The following AP3B1 variants were observed in gnomAD, a reference collection of about 807,000 sequenced individuals.
The protein encoded by AP3B1 is adaptor related protein complex 3 subunit beta 1.
Under a neutral mutation model 132.5 loss-of-function variants are expected in AP3B1, and 61 were observed. That is an observed-to-expected ratio of 0.46 (90% CI 0.37 to 0.57). AP3B1 has a LOEUF of 0.57. Ranked by LOEUF, AP3B1 falls within the 20% of genes least tolerant of loss-of-function variation. The probability of loss-of-function intolerance (pLI) is 0.00; values close to 1 mark genes in which losing one functional copy is unlikely to be tolerated. For missense variants in AP3B1, 1,120 were observed against 1,289.4 expected (o/e 0.87, Z 2.01); for synonymous variants, 388 against 438.3 (o/e 0.89, Z 1.43).
chr5:78,159,866 C>A (rs1321509555), intron 13 of AP3B1, among the ~76,000 whole-genome samples: 2 of 152,182 alleles, frequency 1.3e-5, no homozygotes, highest in Admixed American at 6.5e-5. Flanking sequence ...ATCAGAAGCA[C>A]AAAATGATCC....
At chr5:78,247,491 C>A (rs1215369337) in intron 2 of AP3B1, among the ~76,000 whole-genome samples, 12 of 151,086 alleles carry the variant, frequency 7.9e-5, no homozygotes, top group Non-Finnish European at 1.8e-4. Flanking sequence ...GTCAATCTTT[C>A]CTGTCAGTTC....
intron 26 of AP3B1, 47 bp from the exon 27 acceptor site, chr5:78,003,102 AAAG>A: frequency 6.3e-7 from 1 of 1,591,896 alleles, no homozygotes; most frequent in Non-Finnish European, 8.6e-7. Context: ...TGGGGAGGGT[AAAG>A]GAGATAGCAT....
At chr5:78,135,911 T>C (rs572728306) in intron 15 of AP3B1, among the ~76,000 whole-genome samples, 1 of 152,196 alleles carries the variant, frequency 6.6e-6, no homozygotes, top group Non-Finnish European at 1.5e-5. Flanking sequence ...GTTTCAGTCT[T>C]TCAACTTTTT....
intron 5 of AP3B1, 91 bp downstream of exon 5, chr5:78,227,281 A>T: frequency 8.0e-7 from 1 of 1,248,530 alleles, no homozygotes; most frequent in Non-Finnish European, 1.2e-6. Context: ...AGAGCAGCCT[A>T]CCTAAAAGAG....
At position 78,011,229 on chromosome 5, in the gene AP3B1, A is replaced by G. The variant is rs149284297; in HGVS notation, c.3131+4181T>C. On this transcript the variant is annotated intron_variant, in intron 26 of 26. Transcript: ENST00000255194. ...GGCTACTTTTTTTTGTATATTTAGT[A>G]GAGACGGGGTTTCACCATGTTGGCC... Among the ~76,000 whole-genome samples the G allele has an allele frequency of 5.3e-3, 808 of 151,916 alleles. 2 individuals carry two copies. The highest frequency in any genetic ancestry group is 0.019 in the African/African-American group (774 of 41,406).
chr5:78,039,788 A>AG (rs1747982318), intron 22 of AP3B1, among the ~76,000 whole-genome samples: 1 of 147,142 alleles, frequency 6.8e-6, no homozygotes, highest in Admixed American at 6.9e-5. Flanking sequence ...AAAAAAAAAA[A>AG]AAAAGAAAAG....
intron 7 of AP3B1, among the ~76,000 whole-genome samples, chr5:78,204,841 A>G (rs7733511): frequency 0.3 from 45,268 of 152,024 alleles, 6,956 homozygotes; most frequent in Middle Eastern, 0.35. Context: ...TTTTCTCCTG[A>G]GTTTCAGGCC....
intron 26 of AP3B1, among the ~76,000 whole-genome samples, chr5:78,006,733 C>T (rs906102396): frequency 6.6e-6 from 1 of 152,156 alleles, no homozygotes; most frequent in African/African-American, 2.4e-5. Flanking sequence ...ATTAAAAGGA[C>T]ACCATCTAGA....
At chr5:78,096,371 C>G (rs911165207) in intron 21 of AP3B1, among the ~76,000 whole-genome samples, 2 of 152,116 alleles carry the variant, frequency 1.3e-5, no homozygotes, top group African/African-American at 4.8e-5. Context: ...CAACCTCCAC[C>G]TCCCAGCCAC....
At chr5:78,049,985 TC>T (rs1748511296) in intron 22 of AP3B1, among the ~76,000 whole-genome samples, 1 of 152,316 alleles carries the variant, frequency 6.6e-6, no homozygotes, top group South Asian at 2.1e-4. Context: ...ATGGCCAGGA[TC>T]CTTGTTCCAT....
chr5:78,177,299 G>A, intron 9 of AP3B1, 40 bp downstream of exon 9: 3 of 1,325,408 alleles, frequency 2.3e-6, no homozygotes, highest in Non-Finnish European at 3.2e-6. Flanking sequence ...TACTTTTGAA[G>A]GAATACAAAA....
At chr5:78,113,298 C>T (rs1209679024) in intron 19 of AP3B1, among the ~76,000 whole-genome samples, 2 of 152,168 alleles carry the variant, frequency 1.3e-5, no homozygotes, top group African/African-American at 4.8e-5. Flanking sequence ...AAAGTGCTAA[C>T]ACTTAAAGAT....
chr5:78,282,993 T>C (rs550692031), intron 1 of AP3B1, among the ~76,000 whole-genome samples: 23 of 152,230 alleles, frequency 1.5e-4, no homozygotes, highest in Non-Finnish European at 2.4e-4. Context: ...CAGAAAGAGA[T>C]TGTGTCTCTT....
intron 24 of AP3B1, among the ~76,000 whole-genome samples, chr5:78,022,119 C>A (rs1410429860): frequency 6.6e-6 from 1 of 152,030 alleles, no homozygotes; most frequent in East Asian, 1.9e-4. Context: ...TGTAAGTGGC[C>A]TTATATTTTT....
At chr5:78,104,486 C>G (rs1470656149) in intron 20 of AP3B1, among the ~76,000 whole-genome samples, 1 of 152,022 alleles carries the variant, frequency 6.6e-6, no homozygotes, top group Non-Finnish European at 1.5e-5. Context: ...TCAGGAAAGA[C>G]ATAAACTGAG....
At chr5:78,189,867 CTCAAA>C (rs1744755127) in intron 7 of AP3B1, among the ~76,000 whole-genome samples, 1 of 102,590 alleles carries the variant, frequency 9.7e-6, no homozygotes, top group Non-Finnish European at 2.0e-5. Context: ...AAGACTCCAT[CTCAAA>C]TAAAATAAAA....
intron 2 of AP3B1, among the ~76,000 whole-genome samples, chr5:78,266,546 C>A (rs749211649): frequency 6.6e-6 from 1 of 152,108 alleles, no homozygotes; most frequent in African/African-American, 2.4e-5. Flanking sequence ...AGCTCTCATA[C>A]GATGGCACTG....
intron 1 of AP3B1, among the ~76,000 whole-genome samples, chr5:78,289,927 T>C (rs997052484): frequency 6.6e-6 from 1 of 152,226 alleles, no homozygotes; most frequent in Non-Finnish European, 1.5e-5. Context: ...TCTTCTGGTT[T>C]CTACATACTC....
At chr5:78,155,063 C>T (rs1473623498) in intron 14 of AP3B1, among the ~76,000 whole-genome samples, 1 of 152,136 alleles carries the variant, frequency 6.6e-6, no homozygotes, top group Non-Finnish European at 1.5e-5. Context: ...TTGTAGTCTT[C>T]ACAGTCTGGG....
Sources: allele counts gnomAD v4.1 joint callset (sites outside exome capture counted in the v4.1 genomes callset), GRCh38; gene constraint gnomAD v4.1.1; transcripts MANE v1.5; gene names NCBI Gene and HGNC (gene_info 2026-07-23, HGNC 2026-07-21).